UNC5A: variants seen among roughly 807,000 people sequenced by gnomAD.
UNC5A encodes unc-5 netrin receptor A, also known as netrin receptor UNC5A.
UNC5A carries 20 observed loss-of-function variants against 87.4 expected under a neutral mutation model. The ratio of observed to expected loss-of-function variants is 0.23; its 90% CI spans 0.16 to 0.33. The LOEUF (loss-of-function observed/expected upper bound fraction) is 0.33, where lower values mean the gene tolerates loss of function less well. Ranked by LOEUF, UNC5A falls within the 10% of genes least tolerant of loss-of-function variation. The probability of loss-of-function intolerance (pLI) is 1.00; values close to 1 mark genes in which losing one functional copy is unlikely to be tolerated. For synonymous variants in UNC5A, 438 were observed against 482.3 expected (o/e 0.91, Z 1.20); for missense variants, 844 against 1,133.4 (o/e 0.74, Z 3.67).
chr5:176,879,895 AGG>A lies in UNC5A; in HGVS notation c.*10_*11del. 6.2e-7 allele frequency: 1 copy of A among 1,608,142 alleles called. No individual in the cohort carries two copies. Among genetic ancestry groups the A allele is most frequent in the South Asian group, 1.1e-5 (1 of 90,752 alleles). ...CGGAGGCTGAGTGCTGAGGCCGGCCAGGCCCGACACCTACACTCTCACCAGCT... is the reference window on the plus strand; with the variant it reads ...CGGAGGCTGAGTGCTGAGGCCGGCCACCCGACACCTACACTCTCACCAGCT... On this transcript the variant is annotated 3_prime_UTR_variant, in exon 15 of 15. Transcript: ENST00000329542.
rs769052499 is a variant in UNC5A at position 176,879,875 on chromosome 5, G to T, written c.2518G>T (p.Ala840Ser). 1 of 1,611,088 alleles carries T rather than the reference G, an allele frequency of 6.2e-7. No homozygotes were observed. The highest frequency in any genetic ancestry group is 8.5e-7 in the Non-Finnish European group (1 of 1,179,390). The stretch of plus-strand genomic sequence containing the variant: ...CGCTGGCCTCTTCACAGTGTCGGAG[G>T]CTGAGTGCTGAGGCCGGCCAGGCCC... ...PDAGLFTVSEAEC is the reference protein window; with the variant it reads ...PDAGLFTVSESEC Residue 840 changes from alanine (A) to serine (S), a missense_variant, in exon 15 of 15, where the codon GCT (alanine) becomes TCT (serine). This residue lies in a region of UNC5A where 177 missense variants were observed against 279.4 expected (regional missense o/e 0.63). Transcript: ENST00000329542.
intron 1 of UNC5A, among the ~76,000 whole-genome samples, chr5:176,850,627 C>T (rs1394414059): frequency 6.6e-6 from 1 of 152,136 alleles, no homozygotes; most frequent in Non-Finnish European, 1.5e-5. Flanking sequence ...TCAGGAGAGC[C>T]GAGCCCGGGA....
intron 1 of UNC5A, among the ~76,000 whole-genome samples, chr5:176,826,198 G>A (rs984565678): frequency 2.0e-5 from 3 of 152,240 alleles, no homozygotes; most frequent in East Asian, 3.9e-4. Context: ...TAGCTGGTCG[G>A]AGGGGGCCTG....
chr5:176,873,812 G>T (rs1002504191), intron 6 of UNC5A, among the ~76,000 whole-genome samples, 156 bp from the exon 7 acceptor site: 1 of 152,162 alleles, frequency 6.6e-6, no homozygotes, highest in Non-Finnish European at 1.5e-5. Context: ...GGATGCACAC[G>T]CACGGACTCC....
chr5:176,843,578 A>G (rs1287712479), intron 1 of UNC5A, among the ~76,000 whole-genome samples: 1 of 152,250 alleles, frequency 6.6e-6, no homozygotes, highest in Non-Finnish European at 1.5e-5. Context: ...ACATTATTTT[A>G]TGCTTTAAGA....
intron 1 of UNC5A, among the ~76,000 whole-genome samples, chr5:176,821,727 C>T (rs506410): frequency 0.15 from 23,271 of 152,216 alleles, 4,146 homozygotes; most frequent in African/African-American, 0.43. Flanking sequence ...ACGAGCTGGC[C>T]GCATACACCA....
At chr5:176,853,335 C>T (rs1757589967) in intron 1 of UNC5A, among the ~76,000 whole-genome samples, 1 of 152,252 alleles carries the variant, frequency 6.6e-6, no homozygotes, top group Non-Finnish European at 1.5e-5. Flanking sequence ...CAGGCCTGGT[C>T]TGCAGGAGCT....
In UNC5A at chr5:176,846,563, GC is replaced by G. The variant is rs1335247730; in HGVS notation, c.71-16055del. 1.4e-4 allele frequency among the ~76,000 whole-genome samples: 21 copies of G among 152,196 alleles called. No individual in the cohort carries two copies. The South Asian group carries it at 4.4e-3, about 32-fold the overall frequency. On this transcript the variant is annotated intron_variant, in intron 1 of 14. Transcript: ENST00000329542. Reference sequence around the variant, plus strand: ...AGCCCTCCTGGATGCCCCAGATCGGGCCCCCCAGTTATGTGCTCATGCCACC... The same window carrying G: ...AGCCCTCCTGGATGCCCCAGATCGGGCCCCCAGTTATGTGCTCATGCCACC...
At position 176,870,440 on chromosome 5, in the gene UNC5A, T is replaced by G; in HGVS notation, c.792T>G (p.Arg264=). 6.2e-7 allele frequency: 1 copy of G among 1,612,154 alleles called. No individual in the cohort carries two copies. Among genetic ancestry groups the G allele is most frequent in the Non-Finnish European group, 8.5e-7 (1 of 1,179,484 alleles). The change falls in exon 6 of 15, where the codon CGT becomes CGG. Residue 264 remains arginine, a synonymous_variant. Transcript: ENST00000329542. The part of the protein sequence containing the change: ...CGLDCTHWRS[R]ECSDPAPRNG... ...TGGACTGCACCCACTGGCGGAGCCGTGAGTGCTCTGACCCAGCACCCCGCA... is the reference window on the plus strand; with the variant it reads ...TGGACTGCACCCACTGGCGGAGCCGGGAGTGCTCTGACCCAGCACCCCGCA...
chr5:176,834,034 T>A lies in UNC5A; in HGVS notation c.70+23214T>A, dbSNP rs894738383. Among the ~76,000 whole-genome samples, 13 of 152,246 alleles carry A rather than the reference T, an allele frequency of 8.5e-5. 1 individual carries two copies. Among genetic ancestry groups the A allele is most frequent in the East Asian group, 1.9e-4 (1 of 5,172 alleles). On this transcript the variant is annotated intron_variant, in intron 1 of 14. Transcript: ENST00000329542. ...ACACAGCCTCTTATTCTCTCATTCATCAACTTAGGTCTTCAGTAAATGTTT... is the reference window on the plus strand; with the variant it reads ...ACACAGCCTCTTATTCTCTCATTCAACAACTTAGGTCTTCAGTAAATGTTT...
At chr5:176,836,512 C>T (rs193204840) in intron 1 of UNC5A, among the ~76,000 whole-genome samples, 56 of 152,220 alleles carry the variant, frequency 3.7e-4, no homozygotes, top group African/African-American at 1.3e-3. Context: ...TGTGTAGGCA[C>T]CTGTAAAGTT....
At chr5:176,859,484 A>G (rs76205151) in intron 1 of UNC5A, among the ~76,000 whole-genome samples, 2 of 124,244 alleles carry the variant, frequency 1.6e-5, no homozygotes, top group Admixed American at 7.8e-5. Context: ...TAGAGGGCAT[A>G]GCTGCTAGAA....
intron 13 of UNC5A, 41 bp downstream of exon 13, chr5:176,878,680 A>G (rs748978707): frequency 6.3e-7 from 1 of 1,580,174 alleles, no homozygotes; most frequent in Non-Finnish European, 8.6e-7. Context: ...ACGTGCTCCC[A>G]CTACCAACTC....
rs775768054 is a variant in UNC5A, at chr5:176,878,270, G to T, written c.1896G>T (p.Leu632=). 3 of 1,612,420 alleles carry T rather than the reference G, an allele frequency of 1.9e-6. No homozygotes were observed. The highest frequency in any genetic ancestry group is 2.2e-5 in the South Asian group (2 of 91,062). The part of the protein sequence containing the change: ...LKEVVQLEKQ[L]GGQLIQEPRV... ...AGGTGGTGCAGCTGGAGAAGCAGCT[G>T]GGGGGACAGCTGATCCAGGAGCCAC... Residue 632 remains leucine, a synonymous_variant, in exon 12 of 15, where the codon CTG becomes CTT. Transcript: ENST00000329542.
chr5:176,874,657 C>A lies in UNC5A; in HGVS notation c.1378+91C>A. 1 of 1,396,120 alleles carries A rather than the reference C, an allele frequency of 7.2e-7. No individual in the cohort carries two copies. The highest frequency in any genetic ancestry group is 9.6e-7 in the Non-Finnish European group (1 of 1,043,412). The allele number at this position is 1,396,120 out of a possible 1,614,324, so 86.5% of individuals were successfully genotyped here. ...ACGTTCCTCTCGTGCCCCTCGGTGT[C>A]CCGTGACAGATCAGCAAGGAAAGGG... On this transcript the variant is annotated intron_variant, in intron 8 of 14. Transcript: ENST00000329542. The surrounding 1 kb of genome is among the most constrained non-coding windows in gnomAD (Gnocchi z 7.6).
chr5:176,842,510 T>TATATATATA (rs1757301926), intron 1 of UNC5A, among the ~76,000 whole-genome samples: 2 of 151,032 alleles, frequency 1.3e-5, no homozygotes, highest in African/African-American at 2.5e-5. Context: ...TATATATATA[T>TATATATATA]GATGGAATAC....
At position 176,869,721 on chromosome 5, in the gene UNC5A, G is replaced by T. The variant is rs758448625; in HGVS notation, c.722-649G>T. On this transcript the variant is annotated intron_variant, in intron 5 of 14. Coordinates refer to ENST00000329542, the MANE Select transcript of UNC5A (RefSeq NM_133369.3). The surrounding 1 kb of genome is among the most constrained non-coding windows in gnomAD (Gnocchi z 9.1). ...CTGCACCAACCCGGCGCCTCTCAAC[G>T]GGGGCGCTTTCTGTGAGGGGCAGAA... 1.2e-3 allele frequency: 791 copies of T among 661,124 alleles called. 1 individual carries two copies. The highest frequency in any genetic ancestry group is 2.2e-3 in the Middle Eastern group (9 of 4,186). The allele number at this position is 661,124 out of a possible 1,614,324, so 41.0% of individuals were successfully genotyped here.
At position 176,869,860 on chromosome 5, in the gene UNC5A, GC is replaced by G. The variant is rs927058350; in HGVS notation, c.722-503del. ...CTGGCTCCATCGCGCCCACCAGCCTGCCCCCCCATGGCTCCATCCCACCCAC... is the reference window on the plus strand; with the variant it reads ...CTGGCTCCATCGCGCCCACCAGCCTGCCCCCCATGGCTCCATCCCACCCAC... On this transcript the variant is annotated intron_variant, in intron 5 of 14. Transcript: ENST00000329542. The surrounding 1 kb of genome is among the most constrained non-coding windows in gnomAD (Gnocchi z 9.1). 1.0e-5 allele frequency: 6 copies of G among 573,590 alleles called. No individual in the cohort carries two copies. Among genetic ancestry groups the G allele is most frequent in the African/African-American group, 5.8e-5 (3 of 52,144 alleles). 35.5% of individuals were successfully genotyped at this position (573,590 alleles called of 1,614,324 possible). A position where few individuals can be genotyped will look rare whatever the true frequency, so the allele number is the denominator to read the frequency against.
intron 14 of UNC5A, 72 bp downstream of exon 14, chr5:176,879,560 G>A (rs959993742): frequency 2.6e-6 from 4 of 1,548,338 alleles, no homozygotes; most frequent in Non-Finnish European, 3.5e-6. Context: ...GGTGGGTGAG[G>A]TGGACAGGAG....
Sources: gnomAD v4.1 joint callset for allele counts (sites outside exome capture counted in the v4.1 genomes callset) on GRCh38, gnomAD v4.1.1 for gene constraint, gnomAD v4.1.1 regional missense constraint, Gnocchi (gnomAD v3.1) non-coding constraint, MANE v1.5 for transcripts, NCBI Gene and HGNC (gene_info 2026-07-23, HGNC 2026-07-21) for gene names.